The following ZNF277 variants were observed in gnomAD, a reference collection of about 807,000 sequenced individuals.
The protein encoded by ZNF277 is nuclear receptor-interacting factor 4.
Under a neutral mutation model 60.7 loss-of-function variants are expected in ZNF277, and 55 were observed. The ratio of observed to expected loss-of-function variants is 0.91; its 90% CI spans 0.73 to 1.13. The LOEUF is 1.13. ZNF277 is among the 50% of genes most tolerant of loss of function. The probability of loss-of-function intolerance (pLI) is 0.00; values close to 1 mark genes in which losing one functional copy is unlikely to be tolerated. For synonymous variants in ZNF277, 178 were observed against 179.3 expected (o/e 0.99, Z 0.06); for missense variants, 510 against 523.0 (o/e 0.98, Z 0.24).
intron 11 of ZNF277, among the ~76,000 whole-genome samples, chr7:112,341,636 G>A (rs553804430): frequency 6.6e-6 from 1 of 152,310 alleles, no homozygotes; most frequent in Admixed American, 6.5e-5. Flanking sequence ...GTCATCTGTT[G>A]TTGGATTCCC....
chr7:112,288,269 T>C (rs765013984), intron 2 of ZNF277: 1 of 152,204 alleles, frequency 6.6e-6, no homozygotes, highest in Non-Finnish European at 1.5e-5. Flanking sequence ...TAAAATTTGG[T>C]GTATCTGGTA....
At chr7:112,301,780 T>C (rs1375587422) in intron 4 of ZNF277, among the ~76,000 whole-genome samples, 2 of 150,930 alleles carry the variant, frequency 1.3e-5, no homozygotes, top group Non-Finnish European at 3.0e-5. Context: ...TCTTCCTTAC[T>C]AAGATGTCTC....
intron 1 of ZNF277, among the ~76,000 whole-genome samples, chr7:112,221,454 CCA>C (rs1348147808): frequency 1.3e-5 from 2 of 152,156 alleles, no homozygotes; most frequent in African/African-American, 4.8e-5. Flanking sequence ...CTTCTTGGCA[CCA>C]GGGACTGGTT....
chr7:112,217,823 A>G (rs1821925692), intron 1 of ZNF277, among the ~76,000 whole-genome samples: 1 of 152,106 alleles, frequency 6.6e-6, no homozygotes, highest in African/African-American at 2.4e-5. Context: ...AAAACCTAAG[A>G]TTAGTGTTTG....
intron 1 of ZNF277, among the ~76,000 whole-genome samples, chr7:112,264,250 A>C (rs1450968965): frequency 6.6e-6 from 1 of 152,134 alleles, no homozygotes. Context: ...CCTGGCCTAC[A>C]CTTTTGCCTA....
At chr7:112,244,889 G>A (rs1172510852) in intron 1 of ZNF277, among the ~76,000 whole-genome samples, 1 of 151,938 alleles carries the variant, frequency 6.6e-6, no homozygotes, top group East Asian at 1.9e-4. Flanking sequence ...TATATAATTA[G>A]GAAAAAATTC....
In ZNF277 at chr7:112,343,238, G is replaced by A. The variant is rs943361087; in HGVS notation, c.*509G>A. The A allele has an allele frequency of 6.6e-6, 1 of 152,246 alleles. No individual in the cohort carries two copies. Among genetic ancestry groups the A allele is most frequent in the Admixed American group, 6.5e-5 (1 of 15,278 alleles). The allele number at this position is 152,246 out of a possible 1,614,324, so 9.4% of individuals were successfully genotyped here. A position where few individuals can be genotyped will look rare whatever the true frequency, so the allele number is the denominator to read the frequency against. ...GAAAGAAGAAATGGTCAAAGACGTG[G>A]ATAATATGCAAATTGGCCATTATAT... On this transcript the variant is annotated 3_prime_UTR_variant, in exon 12 of 12. Coordinates refer to ENST00000361822, the MANE Select transcript of ZNF277 (RefSeq NM_021994.3).
chr7:112,310,281 A>G (rs1213034935), intron 4 of ZNF277, among the ~76,000 whole-genome samples: 1 of 151,968 alleles, frequency 6.6e-6, no homozygotes, highest in Admixed American at 6.6e-5. Flanking sequence ...AGGGCCCACC[A>G]TGAATAACAC....
intron 1 of ZNF277, among the ~76,000 whole-genome samples, chr7:112,225,321 T>C (rs889003008): frequency 7.2e-5 from 11 of 152,210 alleles, no homozygotes; most frequent in Admixed American, 6.5e-5. Context: ...ATATGGCCAC[T>C]GAACTTCTAA....
chr7:112,230,980 G>A (rs1393027204), intron 1 of ZNF277, among the ~76,000 whole-genome samples: 2 of 151,964 alleles, frequency 1.3e-5, no homozygotes, highest in African/African-American at 4.8e-5. Context: ...TTTGGGAGGC[G>A]AAGGTGGGCA....
intron 4 of ZNF277, among the ~76,000 whole-genome samples, chr7:112,315,666 A>G (rs1401775887): frequency 6.6e-6 from 1 of 152,174 alleles, no homozygotes; most frequent in African/African-American, 2.4e-5. Flanking sequence ...TGTCTTAGAA[A>G]CCGTCTTGTG....
At chr7:112,213,543 C>A (rs1188900313) in intron 1 of ZNF277, among the ~76,000 whole-genome samples, 2 of 152,176 alleles carry the variant, frequency 1.3e-5, no homozygotes, top group East Asian at 3.8e-4. Flanking sequence ...GATACTGTTT[C>A]AAATGCTTTT....
At chr7:112,231,710 C>T (rs1822336244) in intron 1 of ZNF277, among the ~76,000 whole-genome samples, 2 of 151,232 alleles carry the variant, frequency 1.3e-5, no homozygotes, top group South Asian at 4.2e-4. Flanking sequence ...TGAATGATGT[C>T]TCCCTTTTAT....
rs1336581324 is a variant in ZNF277, at chr7:112,304,576, T to G, written c.465+8265T>G. ...ACTTTATTAACCAAACTTTTAATCC[T>G]TAAGTTAGTGGAAATTTACTGAACT... On this transcript the variant is annotated intron_variant, in intron 4 of 11. Coordinates refer to ENST00000361822, the MANE Select transcript of ZNF277 (RefSeq NM_021994.3). Among the ~76,000 whole-genome samples the G allele has an allele frequency of 2.0e-5, 3 of 152,324 alleles. No homozygotes were observed. In the East Asian group the frequency reaches 5.8e-4, roughly 29 times the overall value.
chr7:112,237,332 A>G (rs937904650), intron 1 of ZNF277, among the ~76,000 whole-genome samples: 1 of 152,132 alleles, frequency 6.6e-6, no homozygotes, highest in Non-Finnish European at 1.5e-5. Context: ...ACAAGAATAA[A>G]CTGAACCCAA....
Position 112,322,147 on chromosome 7 carries a change from TTTGTCCTACTTGAAG to T in ZNF277, c.557+3877_557+3891del, listed in dbSNP as rs556428435. On this transcript the variant is annotated intron_variant, in intron 5 of 11. Coordinates refer to ENST00000361822, the MANE Select transcript of ZNF277 (RefSeq NM_021994.3). ...GATTTTCTTGGATTAATTCTCTTGA[TTTGTCCTACTTGAAG>T]TTTATTGGGTTTCTTAGATGTTTAA... 2.8e-3 allele frequency among the ~76,000 whole-genome samples: 422 copies of T among 152,278 alleles called. 4 individuals carry two copies. Among genetic ancestry groups the T allele is most frequent in the Non-Finnish European group, 4.5e-3 (308 of 68,004 alleles).
chr7:112,232,676 G>A (rs11768891), intron 1 of ZNF277, among the ~76,000 whole-genome samples: 20,404 of 151,984 alleles, frequency 0.13, 1,439 homozygotes, highest in East Asian at 0.16. Flanking sequence ...TTGTGTTAGC[G>A]CAGTTGTGTA....
intron 11 of ZNF277, 92 bp downstream of exon 11, chr7:112,341,138 G>C (rs1428283910): frequency 8.4e-7 from 1 of 1,192,466 alleles, no homozygotes; most frequent in East Asian, 2.7e-5. Flanking sequence ...GAAAAAAAAG[G>C]AATACATATT....
chr7:112,227,269 G>A (rs1437777015), intron 1 of ZNF277, among the ~76,000 whole-genome samples: 3 of 152,014 alleles, frequency 2.0e-5, no homozygotes, highest in Non-Finnish European at 4.4e-5. Context: ...TGCAGGCTGC[G>A]TGTTTTTGTT....
Sources: allele counts gnomAD v4.1 joint callset (sites outside exome capture counted in the v4.1 genomes callset), GRCh38; gene constraint gnomAD v4.1.1; transcripts MANE v1.5; gene names NCBI Gene and HGNC (gene_info 2026-07-23, HGNC 2026-07-21).